Variants in NCKAP5 observed in about 807,000 individuals in gnomAD.
The protein encoded by NCKAP5 is nck-associated protein 5.
In NCKAP5, 92 loss-of-function variants were observed where a neutral mutation model predicts 167.0. The ratio of observed to expected loss-of-function variants is 0.55; its 90% CI spans 0.47 to 0.66. The LOEUF is 0.66. Ranked by LOEUF, NCKAP5 falls within the 30% of genes least tolerant of loss-of-function variation. NCKAP5 has a pLI of 0.00. For synonymous variants in NCKAP5, 891 were observed against 877.4 expected (o/e 1.02, Z -0.27); for missense variants, 2,378 against 2,315.0 (o/e 1.03, Z -0.56).
intron 6 of NCKAP5, among the ~76,000 whole-genome samples, chr2:133,065,581 G>A (rs1230459051): frequency 2.0e-5 from 3 of 152,106 alleles, no homozygotes; most frequent in African/African-American, 7.2e-5. Context: ...GCCCAAATTG[G>A]GCCACTGCAC....
chr2:133,418,841 T>A (rs954057422), intron 3 of NCKAP5, among the ~76,000 whole-genome samples: 4 of 152,136 alleles, frequency 2.6e-5, no homozygotes, highest in Admixed American at 1.3e-4. Context: ...TAAATAAACC[T>A]CAGTGTTTCA....
At chr2:132,973,081 A>G (rs2076881169) in intron 7 of NCKAP5, among the ~76,000 whole-genome samples, 1 of 152,150 alleles carries the variant, frequency 6.6e-6, no homozygotes. Flanking sequence ...CTGGGTGGAT[A>G]TAATTGCCTA....
In NCKAP5 at chr2:133,287,776, G is replaced by A. The variant is rs548667078; in HGVS notation, c.143+15261C>T. ...TGGGCTGAGGAATGCATGTGAAGAG[G>A]TAGGGAGGCAGGAAACTTGAAGGAT... On this transcript the variant is annotated intron_variant, in intron 4 of 19. Coordinates refer to ENST00000409261, the MANE Select transcript of NCKAP5 (RefSeq NM_207363.3). 6.6e-5 allele frequency among the ~76,000 whole-genome samples: 10 copies of A among 152,344 alleles called. No individual in the cohort carries two copies. In the South Asian group the frequency reaches 2.1e-3, roughly 32 times the overall value.
intron 4 of NCKAP5, among the ~76,000 whole-genome samples, chr2:133,293,048 C>T (rs1244640834): frequency 6.6e-6 from 1 of 152,160 alleles, no homozygotes; most frequent in East Asian, 1.9e-4. Flanking sequence ...ATGCCACCTC[C>T]TCTGGGAAGC....
At chr2:132,793,026 C>T (rs201576992) in intron 12 of NCKAP5, among the ~76,000 whole-genome samples, 19 of 151,802 alleles carry the variant, frequency 1.3e-4, no homozygotes, top group East Asian at 3.9e-4. Context: ...GTTTTTCAGA[C>T]GGAGTTTCAC....
At chr2:132,948,496 C>T (rs1415720704) in intron 8 of NCKAP5, among the ~76,000 whole-genome samples, 2 of 152,204 alleles carry the variant, frequency 1.3e-5, no homozygotes, top group Non-Finnish European at 1.5e-5. Flanking sequence ...GAACCAGCAG[C>T]GGCTGACAGG....
At chr2:133,271,717 C>CTT (rs1456927474) in intron 4 of NCKAP5, among the ~76,000 whole-genome samples, 1 of 152,090 alleles carries the variant, frequency 6.6e-6, no homozygotes, top group African/African-American at 2.4e-5. Flanking sequence ...AAATAAGCAG[C>CTT]TATAAAAGAC....
intron 3 of NCKAP5, among the ~76,000 whole-genome samples, chr2:133,384,091 T>C (rs571081698): frequency 2.0e-5 from 3 of 152,346 alleles, no homozygotes; most frequent in South Asian, 2.1e-4. Context: ...TTGACTTTTG[T>C]TGCCATTGCT....
At chr2:133,322,395 C>G (rs1285830012) in intron 3 of NCKAP5, among the ~76,000 whole-genome samples, 1 of 152,150 alleles carries the variant, frequency 6.6e-6, no homozygotes, top group Non-Finnish European at 1.5e-5. Context: ...AGAGAGTGAG[C>G]TTGTGGAAAG....
chr2:133,107,930 A>G (rs911598884), intron 6 of NCKAP5, among the ~76,000 whole-genome samples: 1 of 152,124 alleles, frequency 6.6e-6, no homozygotes, highest in African/African-American at 2.4e-5. Flanking sequence ...CATTTGAAAA[A>G]CTGAGCCTCT....
At chr2:133,386,209 A>G (rs1158555077) in intron 3 of NCKAP5, among the ~76,000 whole-genome samples, 1 of 152,196 alleles carries the variant, frequency 6.6e-6, no homozygotes, top group Non-Finnish European at 1.5e-5. Flanking sequence ...CCCTCTACAC[A>G]CTGCTTTAAA....
At chr2:133,139,279 A>T (rs1232183279) in intron 5 of NCKAP5, among the ~76,000 whole-genome samples, 1 of 152,234 alleles carries the variant, frequency 6.6e-6, no homozygotes, top group African/African-American at 2.4e-5. Flanking sequence ...TATCAGGAAA[A>T]GCATAAGCAA....
chr2:133,066,874 A>C (rs192492984), intron 6 of NCKAP5, among the ~76,000 whole-genome samples: 17 of 152,330 alleles, frequency 1.1e-4, no homozygotes, highest in Non-Finnish European at 1.9e-4. Context: ...TATTTCCTCC[A>C]GAGCGATTAT....
chr2:132,864,150 C>G (rs1383386987), intron 10 of NCKAP5, among the ~76,000 whole-genome samples: 1 of 152,164 alleles, frequency 6.6e-6, no homozygotes, highest in African/African-American at 2.4e-5. Flanking sequence ...AGTCTGGGAT[C>G]ATGGCTCAAG....
chr2:133,374,258 A>G (rs1033468075), intron 3 of NCKAP5, among the ~76,000 whole-genome samples: 1 of 152,222 alleles, frequency 6.6e-6, no homozygotes, highest in Non-Finnish European at 1.5e-5. Flanking sequence ...GCCAATCTGA[A>G]AAGTACTGTA....
intron 11 of NCKAP5, among the ~76,000 whole-genome samples, chr2:132,855,799 C>G (rs1279441911): frequency 6.6e-6 from 1 of 152,122 alleles, no homozygotes; most frequent in Admixed American, 6.6e-5. Context: ...ATCTTTTTGT[C>G]TCACTTCAAC....
At chr2:133,647,427 A>AG in the NCKAP5 span, among the ~76,000 whole-genome samples, 1 of 93,156 alleles carries the variant, frequency 1.1e-5, no homozygotes, top group South Asian at 2.9e-4. Context: ...AAGAGAAAGA[A>AG]AGGAAGAAAG....
intron 3 of NCKAP5, among the ~76,000 whole-genome samples, chr2:133,414,697 T>C (rs1294279185): frequency 6.6e-6 from 1 of 152,100 alleles, no homozygotes; most frequent in African/African-American, 2.4e-5. Flanking sequence ...TACTCAGGAG[T>C]TGGCATTTTT....
At chr2:133,281,455 A>T (rs1457462842) in intron 4 of NCKAP5, among the ~76,000 whole-genome samples, 1 of 152,218 alleles carries the variant, frequency 6.6e-6, no homozygotes, top group Non-Finnish European at 1.5e-5. Context: ...TTTGGTAATT[A>T]AACCGTTAAA....
Sources: gnomAD v4.1 joint callset for allele counts (sites outside exome capture counted in the v4.1 genomes callset) on GRCh38, gnomAD v4.1.1 for gene constraint, MANE v1.5 for transcripts, NCBI Gene and HGNC (gene_info 2026-07-23, HGNC 2026-07-21) for gene names.